PARP11: variants seen among roughly 807,000 people sequenced by gnomAD.
The protein encoded by PARP11 is poly(ADP-ribose) polymerase family member 11.
PARP11 carries 31 observed loss-of-function variants against 42.9 expected under a neutral mutation model. The ratio of observed to expected loss-of-function variants is 0.72; its 90% confidence interval spans 0.54 to 0.98. PARP11 has a LOEUF of 0.98. PARP11 is among the 50% of genes least tolerant of loss of function. The probability of loss-of-function intolerance (pLI) is 0.00; values close to 1 mark genes in which losing one functional copy is unlikely to be tolerated. For synonymous variants in PARP11, 137 were observed against 127.3 expected (o/e 1.08, Z -0.51); for missense variants, 365 against 413.1 (o/e 0.88, Z 1.01).
At position 3,829,883 on chromosome 12, in the gene PARP11, G is replaced by A; in HGVS notation, c.147+7C>T. The A allele has an allele frequency of 6.2e-7, 1 of 1,613,688 alleles. No individual in the cohort carries two copies. Among genetic ancestry groups the A allele is most frequent in the East Asian group, 2.2e-5 (1 of 44,866 alleles). On this transcript the variant is annotated splice_region_variant and intron_variant, in intron 2 of 7. Transcript: ENST00000228820. Reference sequence around the variant, plus strand: ...ACACTTCTGCTAAATTAAAGGAAAGGAGGTACCTGAAACATGTGCCACTTC... The same window carrying A: ...ACACTTCTGCTAAATTAAAGGAAAGAAGGTACCTGAAACATGTGCCACTTC...
chr12:3,844,319 T>A (rs1305487387), intron 1 of PARP11, among the ~76,000 whole-genome samples: 2 of 152,246 alleles, frequency 1.3e-5, no homozygotes, highest in Non-Finnish European at 2.9e-5. Context: ...TGTTGTCACC[T>A]TCTAAACTAG....
intron 1 of PARP11, among the ~76,000 whole-genome samples, chr12:3,834,210 A>G (rs1947707534): frequency 1.3e-5 from 2 of 152,216 alleles, no homozygotes; most frequent in African/African-American, 4.8e-5. Context: ...CTTCAGCCCC[A>G]GGAGCAGTGG....
At chr12:3,871,604 C>T (rs1213705256) in intron 1 of PARP11, 1 of 152,152 alleles carries the variant, frequency 6.6e-6, no homozygotes, top group Non-Finnish European at 1.5e-5. Flanking sequence ...TGTTAGGAGG[C>T]GCACGACTGT....
chr12:3,828,019 C>T (rs1947561971), intron 3 of PARP11, among the ~76,000 whole-genome samples: 1 of 152,184 alleles, frequency 6.6e-6, no homozygotes, highest in African/African-American at 2.4e-5. Context: ...TCATGGGATA[C>T]CCCAAAACAT....
intron 6 of PARP11, among the ~76,000 whole-genome samples, chr12:3,816,754 T>C (rs546045048): frequency 2.0e-5 from 3 of 152,310 alleles, no homozygotes; most frequent in Admixed American, 1.3e-4. Context: ...ATACAAAAAT[T>C]AGCTGGGTGT....
chr12:3,811,156 C>G lies in PARP11; in HGVS notation c.*967G>C, dbSNP rs1039047217. On this transcript the variant is annotated 3_prime_UTR_variant, in exon 8 of 8. Transcript: ENST00000228820. ...AGAAACCAGATTTGTCTCAAGCATC[C>G]CATGCTTTCTATAATGTTTCAAAAT... The G allele has an allele frequency of 6.6e-6, 1 of 152,066 alleles. No homozygotes were observed. Among genetic ancestry groups the G allele is most frequent in the African/African-American group, 2.4e-5 (1 of 41,398 alleles). 9.4% of individuals were successfully genotyped at this position (152,066 alleles called of 1,614,324 possible). A position where few individuals can be genotyped will look rare whatever the true frequency, so the allele number is the denominator to read the frequency against.
At chr12:3,836,889 C>T (rs1391212955) in intron 1 of PARP11, among the ~76,000 whole-genome samples, 1 of 152,146 alleles carries the variant, frequency 6.6e-6, no homozygotes, top group Non-Finnish European at 1.5e-5. Flanking sequence ...TCCCCTGATT[C>T]ATGATTTCTA....
intron 7 of PARP11, among the ~76,000 whole-genome samples, chr12:3,812,885 C>T (rs1382652714): frequency 2.6e-5 from 4 of 152,180 alleles, no homozygotes; most frequent in Non-Finnish European, 5.9e-5. Flanking sequence ...TCACTGCAAC[C>T]TCCGCCTCCC....
chr12:3,827,793 C>T (rs1028258480), intron 3 of PARP11, among the ~76,000 whole-genome samples: 2 of 152,186 alleles, frequency 1.3e-5, no homozygotes, highest in African/African-American at 4.8e-5. Flanking sequence ...GATTTCCTAA[C>T]GTTTCACCAC....
chr12:3,841,573 G>A, intron 1 of PARP11: 2 of 1,609,456 alleles, frequency 1.2e-6, no homozygotes, highest in South Asian at 2.2e-5. Context: ...TCCATCTCAG[G>A]TGTCTGAAAG....
intron 1 of PARP11, among the ~76,000 whole-genome samples, chr12:3,834,681 G>A (rs1327334882): frequency 2.0e-5 from 3 of 149,444 alleles, no homozygotes; most frequent in Non-Finnish European, 4.5e-5. Context: ...AAATATTAAT[G>A]AAAAACAATT....
chr12:3,826,447 C>T (rs999146773), intron 3 of PARP11, among the ~76,000 whole-genome samples: 9 of 152,184 alleles, frequency 5.9e-5, no homozygotes, highest in African/African-American at 9.7e-5. Flanking sequence ...CATTGCTTGA[C>T]GTAAGCTCAC....
intron 1 of PARP11, among the ~76,000 whole-genome samples, chr12:3,859,368 A>T (rs10437818): frequency 0.1 from 15,731 of 151,940 alleles, 1,279 homozygotes; most frequent in East Asian, 0.43. Context: ...ATCGAGACCA[A>T]CTTGACCAAC....
rs530139358 is a variant in PARP11 at position 3,868,645 on chromosome 12, T to C, written c.18+4567A>G. 1.8e-4 allele frequency among the ~76,000 whole-genome samples: 27 copies of C among 152,332 alleles called. No individual in the cohort carries two copies. In the South Asian group the frequency reaches 5.6e-3, roughly 32 times the overall value. ...AAAACATCTTATTCCTGGCTGCCCA[T>C]GCCAGAAAGCTAAGTCATCATCTAA... On this transcript the variant is annotated intron_variant, in intron 1 of 7. Transcript: ENST00000228820.
Position 3,822,170 on chromosome 12 carries a change from A to G in PARP11, c.345-13T>C, listed in dbSNP as rs148054221. On this transcript the variant is annotated splice_polypyrimidine_tract_variant and intron_variant, in intron 4 of 7. Transcript: ENST00000228820. ...TTCACAGATGTAACTTGAAACAGCA[A>G]AAGAGAAAACAAAATATCAGAAGCC... 671 of 1,605,208 alleles carry G rather than the reference A, an allele frequency of 4.2e-4. 3 individuals are homozygous for G. Among genetic ancestry groups the G allele is most frequent in the Middle Eastern group, 2.5e-3 (15 of 6,042 alleles).
intron 1 of PARP11, chr12:3,872,787 A>C: frequency 1.0e-6 from 1 of 985,408 alleles, no homozygotes; most frequent in African/African-American, 1.7e-5. Flanking sequence ...AGAAAGCAAA[A>C]CACAAAGTTT....
At position 3,810,833 on chromosome 12, in the gene PARP11, GAGAGA is replaced by G. The variant is rs1481097274; in HGVS notation, c.*1285_*1289del. 2 of 152,024 alleles carry G rather than the reference GAGAGA, an allele frequency of 1.3e-5. No homozygotes were observed. The highest frequency in any genetic ancestry group is 4.8e-5 in the African/African-American group (2 of 41,300). 9.4% of individuals were successfully genotyped at this position (152,024 alleles called of 1,614,324 possible). On this transcript the variant is annotated 3_prime_UTR_variant, in exon 8 of 8. Coordinates refer to ENST00000228820, the MANE Select transcript of PARP11 (RefSeq NM_020367.6). ...AAGAGAAAGAAGAGAAGAGAAAGAGGAGAGAAGAGAAGGAGGAGAGAAGAGGAGAA... is the reference window on the plus strand; with the variant it reads ...AAGAGAAAGAAGAGAAGAGAAAGAGGAGAGAAGGAGGAGAGAAGAGGAGAA...
intron 5 of PARP11, 27 bp downstream of exon 5, chr12:3,822,058 G>T (rs1172961402): frequency 1.2e-6 from 2 of 1,611,478 alleles, no homozygotes; most frequent in Admixed American, 3.4e-5. Flanking sequence ...TTCTTTCATG[G>T]GTATATTCAG....
intron 6 of PARP11, among the ~76,000 whole-genome samples, chr12:3,820,324 GAGAC>G (rs202229764): frequency 0.012 from 1,838 of 152,320 alleles, 28 homozygotes; most frequent in African/African-American, 0.041. Context: ...ATGTGACAGT[GAGAC>G]AGACAAAGTT....
Sources: allele counts gnomAD v4.1 joint callset (sites outside exome capture counted in the v4.1 genomes callset), GRCh38; gene constraint gnomAD v4.1.1; transcripts MANE v1.5; gene names NCBI Gene and HGNC (gene_info 2026-07-23, HGNC 2026-07-21).